Variants in LPCAT1 observed in about 807,000 individuals in gnomAD.
The protein encoded by LPCAT1 is lysophosphatidylcholine acyltransferase 1.
In LPCAT1, 23 loss-of-function variants were observed where a neutral mutation model predicts 60.9. The ratio of observed to expected loss-of-function variants is 0.38; its 90% CI spans 0.27 to 0.53. LPCAT1 has a LOEUF of 0.53. Among genes scored for constraint, LPCAT1 ranks in the 20% least tolerant of loss-of-function variants. The probability of loss-of-function intolerance (pLI) is 0.82; values close to 1 mark genes in which losing one functional copy is unlikely to be tolerated. For synonymous variants in LPCAT1, 340 were observed against 301.1 expected, an observed-to-expected ratio of 1.13 and a Z score of -1.34; for missense variants, 622 against 723.6, an observed-to-expected ratio of 0.86 and a Z score of 1.61.
rs1734920810 is a variant in LPCAT1, at chr5:1,476,416, C to G, written c.899+988G>C. Among the ~76,000 whole-genome samples, 1 of 152,092 alleles carries G rather than the reference C, an allele frequency of 6.6e-6. No homozygotes were observed. Among genetic ancestry groups the G allele is most frequent in the Non-Finnish European group, 1.5e-5 (1 of 68,016 alleles). ...TGGGAACGTGAGGGAACGGGCCGCC[C>G]AGCTGAATCTTCAGGGTGTCAGCGG... On this transcript the variant is annotated intron_variant, in intron 9 of 13. Coordinates refer to ENST00000283415, the MANE Select transcript of LPCAT1 (RefSeq NM_024830.5). The surrounding 1 kb of genome is among the most constrained non-coding windows in gnomAD (Gnocchi z 8.6).
chr5:1,510,156 T>C (rs1736312240), intron 1 of LPCAT1, among the ~76,000 whole-genome samples: 1 of 152,218 alleles, frequency 6.6e-6, no homozygotes, highest in African/African-American at 2.4e-5. Context: ...GGTCACACTC[T>C]GGAGCTTTTC....
rs1026403106 is a variant in LPCAT1 at position 1,481,180 on chromosome 5, C to G, written c.727-204G>C. Among the ~76,000 whole-genome samples, 2 of 152,124 alleles carry G rather than the reference C, an allele frequency of 1.3e-5. No homozygotes were observed. The highest frequency in any genetic ancestry group is 4.8e-5 in the African/African-American group (2 of 41,410). Reference sequence around the variant, plus strand: ...GACCAGCCCCCCAGCCTGAGGTCCCCAGAGCCTCTAAGGACCCAGAGAACC... The same window carrying G: ...GACCAGCCCCCCAGCCTGAGGTCCCGAGAGCCTCTAAGGACCCAGAGAACC... On this transcript the variant is annotated intron_variant, in intron 6 of 13. Coordinates refer to ENST00000283415, the MANE Select transcript of LPCAT1 (RefSeq NM_024830.5). This position sits in a 1 kb window ranked among gnomAD's most constrained non-coding sequence, Gnocchi z 7.8.
chr5:1,492,276 G>C (rs951736058), intron 3 of LPCAT1, among the ~76,000 whole-genome samples: 1 of 149,184 alleles, frequency 6.7e-6, no homozygotes, highest in African/African-American at 2.5e-5. Flanking sequence ...TCTGAGCTGG[G>C]GCCTGGGGAG....
In LPCAT1 at chr5:1,474,071, G is replaced by A. The variant is rs113609424; in HGVS notation, c.1065C>T (p.Tyr355=). The A allele has an allele frequency of 6.7e-5, 108 of 1,614,030 alleles. No homozygotes were observed. Among genetic ancestry groups the A allele is most frequent in the Admixed American group, 1.2e-4 (7 of 60,004 alleles). Reference sequence around the variant, plus strand: ...CTCCCTTCATCCTGGCTCTTTCTGAGTATCTGTCCAGATCTTTTTCAAGCT... The same window carrying A: ...CTCCCTTCATCCTGGCTCTTTCTGAATATCTGTCCAGATCTTTTTCAAGCT... The part of the protein sequence containing the change: ...PEKLEKDLDR[Y]SERARMKGGE... Residue 355 remains tyrosine, a synonymous_variant, in exon 11 of 14, where the codon TAC becomes TAT. Transcript: ENST00000283415.
intron 3 of LPCAT1, among the ~76,000 whole-genome samples, chr5:1,492,922 C>T (rs924304099): frequency 6.6e-6 from 1 of 152,248 alleles, no homozygotes; most frequent in Non-Finnish European, 1.5e-5. Context: ...ATCCCCCTCC[C>T]TGAGCAGATG....
intron 12 of LPCAT1, among the ~76,000 whole-genome samples, chr5:1,467,497 C>T (rs886887407): frequency 2.0e-5 from 3 of 152,068 alleles, no homozygotes; most frequent in African/African-American, 4.8e-5. Context: ...GGTGTGGAAG[C>T]GGCGGCTCCG....
chr5:1,474,964 CAT>C (rs1357676031), intron 9 of LPCAT1, among the ~76,000 whole-genome samples: 3 of 152,250 alleles, frequency 2.0e-5, no homozygotes, highest in Non-Finnish European at 4.4e-5. Flanking sequence ...GAATTACCAA[CAT>C]GTGACGTGGA....
rs566801894 is a variant in LPCAT1, at chr5:1,521,384, G to C, written c.135+2326C>G. 1.0e-6 allele frequency: 1 copy of C among 985,386 alleles called. No homozygotes were observed. Among genetic ancestry groups the C allele is most frequent in the Non-Finnish European group, 1.2e-6 (1 of 829,932 alleles). The allele number at this position is 985,386 out of a possible 1,614,324, so 61.0% of individuals were successfully genotyped here. ...ACTGGGAACTTAGCTGGGTTTCTGC[G>C]GGTTCTTGAGTGTGTCAGCCACTAC... On this transcript the variant is annotated intron_variant, in intron 1 of 13. Coordinates refer to ENST00000283415, the MANE Select transcript of LPCAT1 (RefSeq NM_024830.5). This position sits in a 1 kb window ranked among gnomAD's most constrained non-coding sequence, Gnocchi z 4.3.
chr5:1,502,878 G>A lies in LPCAT1; in HGVS notation c.136-1275C>T, dbSNP rs992359816. 3.3e-5 allele frequency among the ~76,000 whole-genome samples: 5 copies of A among 152,084 alleles called. No individual in the cohort carries two copies. The highest frequency in any genetic ancestry group is 1.2e-4 in the African/African-American group (5 of 41,398). The stretch of plus-strand genomic sequence containing the variant: ...CAAGAGAAACATGCCTGCCACATGT[G>A]TCATTTTAAATTTTCGAGTGGCCAC... On this transcript the variant is annotated intron_variant, in intron 1 of 13. Transcript: ENST00000283415. This position sits in a 1 kb window ranked among gnomAD's most constrained non-coding sequence, Gnocchi z 5.5.
intron 13 of LPCAT1, among the ~76,000 whole-genome samples, chr5:1,464,206 C>A (rs892278019): frequency 1.3e-5 from 2 of 152,206 alleles, no homozygotes; most frequent in Non-Finnish European, 2.9e-5. Flanking sequence ...AGTGATCTGG[C>A]GCTCTGAGGG....
In LPCAT1 at chr5:1,494,779, G is replaced by A; in HGVS notation, c.414C>T (p.Tyr138=). 5 of 1,614,232 alleles carry A rather than the reference G, an allele frequency of 3.1e-6. No homozygotes were observed. The highest frequency in any genetic ancestry group is 3.4e-6 in the Non-Finnish European group (4 of 1,180,030). Residue 138 remains tyrosine (Y), a synonymous_variant, in exon 3 of 14, where the codon TAC becomes TAT. Transcript: ENST00000283415. ...AILTLAPHSS[Y]FDAIPVTMTM... ...TCATGGTCACAGGGATGGCGTCGAA[G>A]TAGGACGAGTGAGGCGCGAGCGTGA...
At chr5:1,472,671 C>T (rs1038132687) in intron 11 of LPCAT1, among the ~76,000 whole-genome samples, 8 of 152,194 alleles carry the variant, frequency 5.3e-5, no homozygotes, top group African/African-American at 1.9e-4. Context: ...TTTCACGTTT[C>T]AATTCCAACA....
chr5:1,476,336 CAG>C lies in LPCAT1; in HGVS notation c.899+1066_899+1067del, dbSNP rs1734916797. Among the ~76,000 whole-genome samples the C allele has an allele frequency of 6.6e-6, 1 of 152,104 alleles. No homozygotes were observed. The highest frequency in any genetic ancestry group is 1.5e-5 in the Non-Finnish European group (1 of 68,030). On this transcript the variant is annotated intron_variant, in intron 9 of 13. Transcript: ENST00000283415. The surrounding 1 kb of genome is among the most constrained non-coding windows in gnomAD (Gnocchi z 8.6). ...GGGGGTTGAGTGGAGCTTTGCGGGA[CAG>C]AGACTGCCGGGCCCATTTCTACCCT...
Position 1,487,165 on chromosome 5 carries a change from A to C in LPCAT1, c.667+1226T>G, listed in dbSNP as rs940222201. The stretch of plus-strand genomic sequence containing the variant: ...CAGCCCCACACCTTGTCAAGGAACA[A>C]GACCTGACGTACTTGCCAGCTGTCT... On this transcript the variant is annotated intron_variant, in intron 5 of 13. Transcript: ENST00000283415. This position sits in a 1 kb window ranked among gnomAD's most constrained non-coding sequence, Gnocchi z 6.1. Among the ~76,000 whole-genome samples, 1 of 152,202 alleles carries C rather than the reference A, an allele frequency of 6.6e-6. No homozygotes were observed. The highest frequency in any genetic ancestry group is 2.4e-5 in the African/African-American group (1 of 41,458).
rs1027508353 is a variant in LPCAT1, at chr5:1,521,220, C to A, written c.135+2490G>T. On this transcript the variant is annotated intron_variant, in intron 1 of 13. Transcript: ENST00000283415. The surrounding 1 kb of genome is among the most constrained non-coding windows in gnomAD (Gnocchi z 4.3). Reference sequence around the variant, plus strand: ...TCCAAAGAGATACTTAAGCTCCTCACTAAATCTGTAGTTAAATGACAGATG... The same window carrying A: ...TCCAAAGAGATACTTAAGCTCCTCAATAAATCTGTAGTTAAATGACAGATG... 4 of 535,688 alleles carry A rather than the reference C, an allele frequency of 7.5e-6. No homozygotes were observed. The highest frequency in any genetic ancestry group is 9.5e-6 in the Non-Finnish European group (4 of 419,444). The allele number at this position is 535,688 out of a possible 1,614,324, so 33.2% of individuals were successfully genotyped here.
chr5:1,505,719 TAC>T (rs1241834578), intron 1 of LPCAT1, among the ~76,000 whole-genome samples: 4 of 152,112 alleles, frequency 2.6e-5, no homozygotes, highest in South Asian at 2.1e-4. Flanking sequence ...AGCCTCGACT[TAC>T]ACATTCCTGC....
chr5:1,474,894 A>C (rs1049796128), intron 9 of LPCAT1, among the ~76,000 whole-genome samples: 5 of 152,258 alleles, frequency 3.3e-5, no homozygotes, highest in Non-Finnish European at 5.9e-5. Context: ...AGCCACACCA[A>C]AGGTCACTGA....
Position 1,502,985 on chromosome 5 carries a change from G to A in LPCAT1, c.136-1382C>T, listed in dbSNP as rs889646735. ...ACCATTTCGACACGTACTCAACGTA[G>A]AAGTTGCTACTGGCTAGTTTGCATT... is the stretch of plus-strand genomic sequence containing the variant. On this transcript the variant is annotated intron_variant, in intron 1 of 13. Coordinates refer to ENST00000283415, the MANE Select transcript of LPCAT1 (RefSeq NM_024830.5). The surrounding 1 kb of genome is among the most constrained non-coding windows in gnomAD (Gnocchi z 5.5). Among the ~76,000 whole-genome samples the A allele has an allele frequency of 6.6e-6, 1 of 152,192 alleles. No homozygotes were observed. The highest frequency in any genetic ancestry group is 2.4e-5 in the African/African-American group (1 of 41,442).
Position 1,502,990 on chromosome 5 carries a change from T to C in LPCAT1, c.136-1387A>G, listed in dbSNP as rs1303348964. 6.6e-6 allele frequency among the ~76,000 whole-genome samples: 1 copy of C among 152,252 alleles called. No individual in the cohort carries two copies. The highest frequency in any genetic ancestry group is 1.5e-5 in the Non-Finnish European group (1 of 68,044). On this transcript the variant is annotated intron_variant, in intron 1 of 13. Transcript: ENST00000283415. This position sits in a 1 kb window ranked among gnomAD's most constrained non-coding sequence, Gnocchi z 5.5. ...TTCGACACGTACTCAACGTAGAAGT[T>C]GCTACTGGCTAGTTTGCATTTTCTC... is the stretch of plus-strand genomic sequence containing the variant.
Sources: allele counts gnomAD v4.1 joint callset (sites outside exome capture counted in the v4.1 genomes callset), GRCh38; gene constraint gnomAD v4.1.1; non-coding constraint Gnocchi (gnomAD v3.1); transcripts MANE v1.5; gene names NCBI Gene and HGNC (gene_info 2026-07-23, HGNC 2026-07-21).